BICD2: variants seen among roughly 807,000 people sequenced by gnomAD.
BICD2 encodes the protein BICD cargo adaptor 2.
A neutral mutation model predicts 72.9 loss-of-function variants in BICD2; 25 were observed. The ratio of observed to expected loss-of-function variants is 0.34; its 90% confidence interval spans 0.25 to 0.48. The LOEUF (loss-of-function observed/expected upper bound fraction) is 0.48, where lower values mean the gene tolerates loss of function less well. BICD2 is among the 20% of genes least tolerant of loss of function. The pLI is 0.99. For synonymous variants in BICD2, 501 were observed against 516.1 expected, an observed-to-expected ratio of 0.97 and a Z score of 0.40; for missense variants, 894 against 1,175.2, an observed-to-expected ratio of 0.76 and a Z score of 3.50.
intron 4 of BICD2, among the ~76,000 whole-genome samples, chr9:92,719,862 A>G (rs1045775770): frequency 3.3e-5 from 5 of 152,220 alleles, no homozygotes; most frequent in Non-Finnish European, 4.4e-5. Context: ...CTGGGCTAAG[A>G]AAGTGGAGCT....
chr9:92,739,433 C>T lies in BICD2; in HGVS notation c.241-10197G>A, dbSNP rs956034563. On this transcript the variant is annotated intron_variant, in intron 1 of 6. Coordinates refer to ENST00000356884, the MANE Select transcript of BICD2 (RefSeq NM_001003800.2). ...CAGGATGATAAAACTCACTTGATTA[C>T]GGATTGTCAGTATCCCAGGCTCTCT... Among the ~76,000 whole-genome samples, 7 of 152,194 alleles carry T rather than the reference C, an allele frequency of 4.6e-5. No homozygotes were observed. The South Asian group carries it at 1.2e-3, about 27-fold the overall frequency.
chr9:92,725,761 CCTCT>C (rs1471673236), intron 2 of BICD2, among the ~76,000 whole-genome samples: 1 of 152,238 alleles, frequency 6.6e-6, no homozygotes, highest in Non-Finnish European at 1.5e-5. Flanking sequence ...GGTCGGCTGC[CCTCT>C]CTCCTGTCCC....
intron 1 of BICD2, among the ~76,000 whole-genome samples, chr9:92,747,493 CA>C (rs1289143069): frequency 1.4e-4 from 22 of 152,262 alleles, no homozygotes; most frequent in African/African-American, 4.3e-4. Flanking sequence ...TGGCTCAGGA[CA>C]GGGGGGTCAC....
intron 1 of BICD2, among the ~76,000 whole-genome samples, chr9:92,732,907 C>T (rs1356744906): frequency 6.6e-6 from 1 of 152,134 alleles, no homozygotes; most frequent in Non-Finnish European, 1.5e-5. Context: ...ACTTATTTTT[C>T]TTATTTAAAT....
At chr9:92,727,850 A>G (rs1587674792) in intron 2 of BICD2, among the ~76,000 whole-genome samples, 1 of 152,176 alleles carries the variant, frequency 6.6e-6, no homozygotes, top group South Asian at 2.1e-4. Context: ...CCCTTGGCTC[A>G]GCACCACAGT....
chr9:92,752,789 C>T (rs561777745), intron 1 of BICD2, among the ~76,000 whole-genome samples: 6 of 152,226 alleles, frequency 3.9e-5, no homozygotes, highest in African/African-American at 1.4e-4. Flanking sequence ...TTTCATGAGT[C>T]TACATTGATA....
chr9:92,739,218 C>T (rs558022751), intron 1 of BICD2, among the ~76,000 whole-genome samples: 2 of 152,328 alleles, frequency 1.3e-5, no homozygotes, highest in East Asian at 1.9e-4. Flanking sequence ...TTGAAAAATC[C>T]CAGGGACTGG....
At chr9:92,735,463 G>A (rs1467167203) in intron 1 of BICD2, among the ~76,000 whole-genome samples, 1 of 151,948 alleles carries the variant, frequency 6.6e-6, no homozygotes, top group South Asian at 2.1e-4. Context: ...TCATCTGAGG[G>A]AATAGCACGA....
At chr9:92,724,873 G>C (rs1853534682) in intron 2 of BICD2, among the ~76,000 whole-genome samples, 1 of 152,186 alleles carries the variant, frequency 6.6e-6, no homozygotes, top group South Asian at 2.1e-4. Context: ...CTTTTTCCTT[G>C]CTAACTGGCA....
In BICD2 at chr9:92,713,303, A is replaced by C; in HGVS notation, c.*1851T>G. 2 of 812,228 alleles carry C rather than the reference A, an allele frequency of 2.5e-6. No homozygotes were observed. Among genetic ancestry groups the C allele is most frequent in the Non-Finnish European group, 2.0e-6 (1 of 505,808 alleles). 50.3% of individuals were successfully genotyped at this position (812,228 alleles called of 1,614,324 possible). ...TTTCCTCCCATTAAAAACCTGGGGA[A>C]TGCTATTTTGAAAAGAATTGCAGTG... is the stretch of plus-strand genomic sequence containing the variant. On this transcript the variant is annotated 3_prime_UTR_variant, in exon 7 of 7. Transcript: ENST00000356884.
At chr9:92,762,476 A>G (rs574500794) in intron 1 of BICD2, among the ~76,000 whole-genome samples, 1 of 152,312 alleles carries the variant, frequency 6.6e-6, no homozygotes, top group East Asian at 1.9e-4. Context: ...TAGATTCAGA[A>G]CAGAGCAGTA....
At chr9:92,735,757 G>A (rs1017496827) in intron 1 of BICD2, among the ~76,000 whole-genome samples, 5 of 152,162 alleles carry the variant, frequency 3.3e-5, no homozygotes, top group African/African-American at 9.7e-5. Context: ...GGCAGAAACA[G>A]TAATGGCCTG....
In BICD2 at chr9:92,737,568, T is replaced by C. The variant is rs182941599; in HGVS notation, c.241-8332A>G. Among the ~76,000 whole-genome samples the C allele has an allele frequency of 2.1e-3, 319 of 152,124 alleles. 3 individuals carry two copies. Among genetic ancestry groups the C allele is most frequent in the Middle Eastern group, 0.01 (3 of 294 alleles). On this transcript the variant is annotated intron_variant, in intron 1 of 6. Coordinates refer to ENST00000356884, the MANE Select transcript of BICD2 (RefSeq NM_001003800.2). ...ACGCTTAGGCCCTCATCACCCCAAA[T>C]AGAGGCTGAGATCCAGAAACAGAAG...
intron 1 of BICD2, among the ~76,000 whole-genome samples, chr9:92,729,953 C>T (rs140778570): frequency 1.0e-3 from 157 of 152,356 alleles, no homozygotes; most frequent in Middle Eastern, 3.4e-3. Context: ...TAGCCCAGGA[C>T]GCCCACCTGC....
intron 1 of BICD2, among the ~76,000 whole-genome samples, chr9:92,754,307 C>T (rs939497709): frequency 6.6e-6 from 1 of 152,120 alleles, no homozygotes; most frequent in Non-Finnish European, 1.5e-5. Context: ...GCTGTAGGTG[C>T]GTGTATCCTG....
chr9:92,755,883 G>T (rs576440772), intron 1 of BICD2, among the ~76,000 whole-genome samples: 18 of 152,354 alleles, frequency 1.2e-4, no homozygotes, highest in African/African-American at 4.3e-4. Flanking sequence ...ACTAGAGGGA[G>T]AAATTGATCC....
At chr9:92,749,392 T>C (rs1282815244) in intron 1 of BICD2, among the ~76,000 whole-genome samples, 1 of 152,150 alleles carries the variant, frequency 6.6e-6, no homozygotes, top group Non-Finnish European at 1.5e-5. Flanking sequence ...CAAGGAGGAC[T>C]TACACTTGTG....
chr9:92,739,706 T>A (rs1853860505), intron 1 of BICD2, among the ~76,000 whole-genome samples: 1 of 152,106 alleles, frequency 6.6e-6, no homozygotes, highest in Non-Finnish European at 1.5e-5. Flanking sequence ...TAAACACTGA[T>A]CAAATGGCAG....
Position 92,719,316 on chromosome 9 carries a change from C to G in BICD2, c.1329G>C (p.Val443=). Residue 443 remains valine, a synonymous_variant, in exon 5 of 7, where the codon GTG becomes GTC. Coordinates refer to ENST00000356884, the MANE Select transcript of BICD2 (RefSeq NM_001003800.2). The part of the protein sequence containing the change: ...EILACKYHVA[V]AEAGELREQL... ...GCTCGCGGAGCTCGCCAGCCTCAGC[C>G]ACAGCCACATGGTACTTGCAGGCCA... is the stretch of plus-strand genomic sequence containing the variant. 6.2e-7 allele frequency: 1 copy of G among 1,614,174 alleles called. No homozygotes were observed. Among genetic ancestry groups the G allele is most frequent in the East Asian group, 2.2e-5 (1 of 44,886 alleles).
Sources: gnomAD v4.1 joint callset for allele counts (sites outside exome capture counted in the v4.1 genomes callset) on GRCh38, gnomAD v4.1.1 for gene constraint, MANE v1.5 for transcripts, NCBI Gene and HGNC (gene_info 2026-07-23, HGNC 2026-07-21) for gene names.